The following GRAMD2B variants were observed in gnomAD, a reference collection of about 807,000 sequenced individuals.
GRAMD2B encodes GRAM domain containing 2B, also known as GRAM domain-containing protein 2B.
Under a neutral mutation model 59.2 loss-of-function variants are expected in GRAMD2B, and 41 were observed. The observed-to-expected ratio is 0.69, with a 90% CI of 0.54 to 0.90. The LOEUF (loss-of-function observed/expected upper bound fraction) is 0.90, where lower values mean the gene tolerates loss of function less well. GRAMD2B is among the 40% of genes least tolerant of loss of function. GRAMD2B has a pLI of 0.00. For missense variants in GRAMD2B, 424 were observed against 500.5 expected (o/e 0.85, Z 1.46); for synonymous variants, 161 against 182.7 (o/e 0.88, Z 0.96).
At position 126,394,464 on chromosome 5, in the gene GRAMD2B, A is replaced by G. The variant is rs533283811; in HGVS notation, c.125+22897A>G. On this transcript the variant is annotated intron_variant, in intron 1 of 8. Coordinates refer to the GRAMD2B transcript ENST00000506445. The stretch of plus-strand genomic sequence containing the variant: ...AGTGGGAAGAGATGACAGTCCAATC[A>G]TTGTAAAAAAGAACTCTGAGGCCTG... Among the ~76,000 whole-genome samples the G allele has an allele frequency of 2.3e-4, 35 of 152,302 alleles. No homozygotes were observed. The South Asian group carries it at 6.8e-3, about 30-fold the overall frequency.
At chr5:126,482,359 C>A (rs574653617) in intron 8 of GRAMD2B, among the ~76,000 whole-genome samples, 1 of 152,234 alleles carries the variant, frequency 6.6e-6, no homozygotes, top group African/African-American at 2.4e-5. Flanking sequence ...TAAAAATCTA[C>A]CTTGAAAAAC....
chr5:126,400,210 G>A (rs553959006), intron 1 of GRAMD2B, among the ~76,000 whole-genome samples: 7 of 152,086 alleles, frequency 4.6e-5, no homozygotes, highest in Admixed American at 6.5e-5. Context: ...GAAAGCAGGA[G>A]TGAGTATAGA....
intron 5 of GRAMD2B, among the ~76,000 whole-genome samples, chr5:126,475,647 G>A (rs1210217144): frequency 1.3e-5 from 2 of 152,184 alleles, no homozygotes; most frequent in African/African-American, 2.4e-5. Context: ...AAACCCAGAT[G>A]TGAATGCAAA....
intron 1 of GRAMD2B, among the ~76,000 whole-genome samples, chr5:126,416,043 A>G (rs1039104086): frequency 6.6e-6 from 1 of 152,240 alleles, no homozygotes; most frequent in African/African-American, 2.4e-5. Flanking sequence ...GCCAGGACTA[A>G]TATTGATGGT....
chr5:126,464,045 G>A (rs1459789605), intron 1 of GRAMD2B, among the ~76,000 whole-genome samples: 1 of 151,754 alleles, frequency 6.6e-6, no homozygotes, highest in Non-Finnish European at 1.5e-5. Flanking sequence ...AAAAAAAAGA[G>A]CATCAACCAT....
rs186927656 is a variant in GRAMD2B, at chr5:126,412,243, C to T, written c.125+40676C>T. On this transcript the variant is annotated intron_variant, in intron 1 of 8. Transcript: ENST00000506445. The stretch of plus-strand genomic sequence containing the variant: ...CTGTTCAATCTGATGTTGGCTGTGG[C>T]TTTGTCCTAGATGGCTCTTACTATT... Among the ~76,000 whole-genome samples the T allele has an allele frequency of 5.5e-3, 831 of 152,086 alleles. 4 individuals carry two copies. Among genetic ancestry groups the T allele is most frequent in the Non-Finnish European group, 9.4e-3 (638 of 67,928 alleles).
rs1772794224 is a variant in GRAMD2B at position 126,485,785 on chromosome 5, A to T, written c.1058+12A>T. ...TTCTATGCAATTGTGTAAGTACATG[A>T]ATTTACTGTGAGTGACTAAGAAAAT... On this transcript the variant is annotated intron_variant, in intron 11 of 13. Transcript: ENST00000285689. 1 of 1,506,642 alleles carries T rather than the reference A, an allele frequency of 6.6e-7. No homozygotes were observed. The highest frequency in any genetic ancestry group is 9.2e-7 in the Non-Finnish European group (1 of 1,088,906). 93.3% of individuals were successfully genotyped at this position (1,506,642 alleles called of 1,614,324 possible). A position where few individuals can be genotyped will look rare whatever the true frequency, so the allele number is the denominator to read the frequency against.
intron 1 of GRAMD2B, among the ~76,000 whole-genome samples, chr5:126,404,863 A>T (rs1758134867): frequency 6.6e-6 from 1 of 151,950 alleles, no homozygotes; most frequent in Non-Finnish European, 1.5e-5. Context: ...CAACATAATA[A>T]CAAAAAATAA....
chr5:126,366,920 T>C (rs921813237), upstream of GRAMD2B, among the ~76,000 whole-genome samples: 1 of 146,970 alleles, frequency 6.8e-6, no homozygotes, highest in Admixed American at 7.0e-5. Context: ...AGTGGCGCGA[T>C]CTCGGCTCAC....
intron 1 of GRAMD2B, among the ~76,000 whole-genome samples, chr5:126,378,247 CCTT>C (rs1401454724): frequency 1.1e-4 from 16 of 152,060 alleles, no homozygotes; most frequent in African/African-American, 3.9e-4. Context: ...AACTAAACCA[CCTT>C]CTTTTCTGTT....
chr5:126,417,129 T>A (rs766203643), intron 1 of GRAMD2B, among the ~76,000 whole-genome samples: 11 of 152,248 alleles, frequency 7.2e-5, no homozygotes, highest in Non-Finnish European at 1.6e-4. Context: ...ATATCTGGTC[T>A]CTCTAGATGG....
chr5:126,377,578 C>T lies in GRAMD2B; in HGVS notation c.125+6011C>T, dbSNP rs7719260. Among the ~76,000 whole-genome samples, 601 of 152,296 alleles carry T rather than the reference C, an allele frequency of 3.9e-3. 2 individuals carry two copies. Among genetic ancestry groups the T allele is most frequent in the African/African-American group, 0.013 (559 of 41,576 alleles). On this transcript the variant is annotated intron_variant, in intron 1 of 8. Coordinates refer to the GRAMD2B transcript ENST00000506445. ...TGTAGCCAAAGGCATTTTTGGCATT[C>T]TGAACTAAGGGGAAGTTGTTCAGAG... is the stretch of plus-strand genomic sequence containing the variant.
At chr5:126,415,699 C>A (rs887864701) in intron 1 of GRAMD2B, among the ~76,000 whole-genome samples, 6 of 152,186 alleles carry the variant, frequency 3.9e-5, no homozygotes, top group African/African-American at 1.4e-4. Flanking sequence ...TCTTTTGTTC[C>A]CCCTTTCCTT....
At chr5:126,377,720 A>T (rs1755324272) in intron 1 of GRAMD2B, among the ~76,000 whole-genome samples, 1 of 152,150 alleles carries the variant, frequency 6.6e-6, no homozygotes, top group Non-Finnish European at 1.5e-5. Flanking sequence ...TACTCCTACC[A>T]CCCTCTAAGC....
intron 10 of GRAMD2B, among the ~76,000 whole-genome samples, chr5:126,485,212 G>T (rs1478009374): frequency 1.3e-5 from 2 of 151,856 alleles, no homozygotes; most frequent in Non-Finnish European, 2.9e-5. Flanking sequence ...AAATCAGCTG[G>T]GTGTGGTACA....
chr5:126,395,813 A>G (rs1757317038), intron 1 of GRAMD2B, among the ~76,000 whole-genome samples: 1 of 152,126 alleles, frequency 6.6e-6, no homozygotes, highest in South Asian at 2.1e-4. Flanking sequence ...AGTTTTATTG[A>G]GGTATAGTTG....
chr5:126,381,757 T>C (rs1045527870), intron 1 of GRAMD2B, among the ~76,000 whole-genome samples: 1 of 151,810 alleles, frequency 6.6e-6, no homozygotes, highest in African/African-American at 2.4e-5. Flanking sequence ...TACCTTGGGG[T>C]TTTTTTTCAT....
chr5:126,408,196 GT>G (rs751964980), intron 1 of GRAMD2B, among the ~76,000 whole-genome samples: 20 of 152,110 alleles, frequency 1.3e-4, no homozygotes, highest in Non-Finnish European at 2.5e-4. Flanking sequence ...GTGAAAACAT[GT>G]GATATTTGGT....
chr5:126,474,847 C>T (rs1770280357), intron 5 of GRAMD2B, among the ~76,000 whole-genome samples: 1 of 152,192 alleles, frequency 6.6e-6, no homozygotes, highest in Admixed American at 6.5e-5. Context: ...ATTGCTTTTA[C>T]AACGTGTAAC....
Sources: gnomAD v4.1 joint callset for allele counts (sites outside exome capture counted in the v4.1 genomes callset) on GRCh38, gnomAD v4.1.1 for gene constraint, MANE v1.5 for transcripts, NCBI Gene and HGNC (gene_info 2026-07-23, HGNC 2026-07-21) for gene names.